BRCA1: variants seen among roughly 807,000 people sequenced by gnomAD.
The protein encoded by BRCA1 is BRCA1 DNA repair associated, also known as breast cancer type 1 susceptibility protein.
In BRCA1, 140 loss-of-function variants were observed where a neutral mutation model predicts 173.7. That is an observed-to-expected ratio of 0.81 (90% CI 0.70 to 0.93). The LOEUF (loss-of-function observed/expected upper bound fraction) is 0.93, where lower values mean the gene tolerates loss of function less well. BRCA1 is among the 40% of genes least tolerant of loss of function. The pLI is 0.00. For synonymous variants in BRCA1, 662 were observed against 756.0 expected, an observed-to-expected ratio of 0.88 and a Z score of 2.04; for missense variants, 1,983 against 2,172.5, an observed-to-expected ratio of 0.91 and a Z score of 1.73.
At chr17:43,067,447 G>A in intron 16 of BRCA1, 161 bp downstream of exon 16, 2 of 581,752 alleles carry the variant, frequency 3.4e-6, no homozygotes, top group South Asian at 1.8e-5. Context: ...GTAGAGACGG[G>A]GTTTCACCAT....
intron 7 of BRCA1, 29 bp from the exon 8 acceptor site, chr17:43,097,318 C>T (rs1164265049): frequency 6.3e-7 from 1 of 1,575,672 alleles, no homozygotes; most frequent in Non-Finnish European, 8.7e-7. Flanking sequence ...AAAAATAAAT[C>T]AATAAAAGTT....
intron 1 of BRCA1, among the ~76,000 whole-genome samples, chr17:43,143,716 G>A (rs932427746): frequency 6.6e-6 from 1 of 152,142 alleles, no homozygotes; most frequent in Non-Finnish European, 1.5e-5. Flanking sequence ...ATGGAACAGT[G>A]CATCTATGGA....
rs28897691 is a variant in BRCA1 at position 43,074,370 on chromosome 17, C to A, written c.4636G>T (p.Asp1546Tyr). The A allele has an allele frequency of 8.7e-6, 14 of 1,613,954 alleles. No homozygotes were observed. The highest frequency in any genetic ancestry group is 1.2e-5 in the Non-Finnish European group (14 of 1,179,998). Residue 1546 changes from aspartate (D) to tyrosine (Y), a missense_variant, in exon 14 of 23, where the codon GAT becomes TAT. Transcript: ENST00000357654. The part of the protein sequence containing the change: ...EQQLEESGPH[D>Y]LTETSYLPRQ... ...GGCAAGTAAGATGTTTCCGTCAAAT[C>A]GTGTGGCCCAGACTCTTCCAGCTGT...
chr17:43,050,812 G>C (rs866165454), intron 20 of BRCA1, among the ~76,000 whole-genome samples: 1 of 152,128 alleles, frequency 6.6e-6, no homozygotes, highest in Non-Finnish European at 1.5e-5. Context: ...AACGCCATCT[G>C]AACACATAAC....
Position 43,092,677 on chromosome 17 carries a change from A to T in BRCA1, c.2854T>A (p.Phe952Ile), listed in dbSNP as rs1295122328. Residue 952 changes from phenylalanine (F) to isoleucine (I), a missense_variant, in exon 10 of 23, where the codon TTT becomes ATT. Transcript: ENST00000357654. ...CCTCTGAACTGAGATGATAGACAAA[A>T]CCTAGAGCCTCCTTTGATACTACAT... Reference protein sequence around the residue: ...AKCSIKGGSRFCLSSQFRGNE... With the variant: ...AKCSIKGGSRICLSSQFRGNE... The T allele has an allele frequency of 6.2e-7, 1 of 1,614,084 alleles. No individual in the cohort carries two copies. Among genetic ancestry groups the T allele is most frequent in the Non-Finnish European group, 8.5e-7 (1 of 1,180,000 alleles).
At chr17:43,118,229 G>A (rs373539054) in intron 2 of BRCA1, among the ~76,000 whole-genome samples, 6 of 152,300 alleles carry the variant, frequency 3.9e-5, no homozygotes, top group African/African-American at 1.4e-4. Flanking sequence ...GACCATGCCT[G>A]TGTATGCAGG....
chr17:43,104,187 GGAT>G lies in BRCA1; in HGVS notation c.373_375del (p.Ile125del), dbSNP rs2054629278. 1.2e-6 allele frequency: 2 copies of G among 1,613,922 alleles called. No homozygotes were observed. The highest frequency in any genetic ancestry group is 2.2e-5 in the East Asian group (1 of 44,872). On this transcript the variant is annotated inframe_deletion, in exon 6 of 23. Coordinates refer to ENST00000357654, the MANE Select transcript of BRCA1 (RefSeq NM_007294.4). Reference sequence around the variant, plus strand: ...GCACGGTTTCTGTAGCCCATACTTTGGATGATAGAAACTTCATCTTTTAGATGT... The same window carrying G: ...GCACGGTTTCTGTAGCCCATACTTTGGATAGAAACTTCATCTTTTAGATGT...
At chr17:43,055,015 G>A (rs958020119) in intron 19 of BRCA1, among the ~76,000 whole-genome samples, 1 of 152,172 alleles carries the variant, frequency 6.6e-6, no homozygotes, top group African/African-American at 2.4e-5. Flanking sequence ...CTCCCAAAGT[G>A]CTGGGATCAC....
At chr17:43,097,154 A>G (rs1567804048) in intron 8 of BRCA1, 90 bp downstream of exon 8, 1 of 1,327,914 alleles carries the variant, frequency 7.5e-7, no homozygotes, top group South Asian at 1.3e-5. Context: ...TAAAAGTTAA[A>G]ATATTTTTAA....
chr17:43,074,229 T>A, intron 14 of BRCA1, 102 bp downstream of exon 14: 1 of 1,207,756 alleles, frequency 8.3e-7, no homozygotes, highest in East Asian at 2.4e-5. Flanking sequence ...AAAGTGTCCA[T>A]GATAGACTAG....
chr17:43,157,221 A>G (rs2056202905), intron 1 of BRCA1, among the ~76,000 whole-genome samples: 1 of 152,236 alleles, frequency 6.6e-6, no homozygotes, highest in Non-Finnish European at 1.5e-5. Context: ...AAGAAACCTA[A>G]AACAGGCTGA....
intron 1 of BRCA1, among the ~76,000 whole-genome samples, chr17:43,133,671 G>GT (rs1465242665): frequency 1.5e-5 from 2 of 133,188 alleles, no homozygotes; most frequent in Non-Finnish European, 3.1e-5. Flanking sequence ...ATCTCACTCT[G>GT]TTACCCAGGC....
intron 7 of BRCA1, among the ~76,000 whole-genome samples, 165 bp from the exon 8 acceptor site, chr17:43,097,454 G>GT (rs937444422): frequency 1.3e-5 from 2 of 152,176 alleles, no homozygotes; most frequent in African/African-American, 4.8e-5. Context: ...CAGAGAAGTG[G>GT]TTAAAGGCAT....
chr17:43,075,448 A>C (rs1278179882), intron 13 of BRCA1, among the ~76,000 whole-genome samples: 1 of 152,246 alleles, frequency 6.6e-6, no homozygotes, highest in Non-Finnish European at 1.5e-5. Flanking sequence ...ACAGATTTAA[A>C]GGGCCTCAGA....
chr17:43,079,388 G>A (rs1162293753), intron 12 of BRCA1: 1 of 1,596,610 alleles, frequency 6.3e-7, no homozygotes, highest in East Asian at 2.2e-5. Flanking sequence ...CTTTGGCCAT[G>A]TATATGCGAA....
chr17:43,139,149 T>C (rs2056053907), intron 1 of BRCA1, among the ~76,000 whole-genome samples: 1 of 151,642 alleles, frequency 6.6e-6, no homozygotes, highest in Non-Finnish European at 1.5e-5. Context: ...TGGAAATTCC[T>C]GAAAGATGGG....
At chr17:43,079,688 C>T (rs1339415028) in intron 12 of BRCA1, 21 of 1,118,022 alleles carry the variant, frequency 1.9e-5, no homozygotes, top group Non-Finnish European at 2.6e-5. Flanking sequence ...ACTGAAGCAC[C>T]AGCCTGCTCC....
intron 13 of BRCA1, 29 bp downstream of exon 13, chr17:43,076,459 C>T (rs2154055859): frequency 1.2e-6 from 2 of 1,610,576 alleles, no homozygotes; most frequent in African/African-American, 1.3e-5. Context: ...TGTCAGATAC[C>T]ACAGCATCTT....
At chr17:43,102,967 G>A (rs563091836) in intron 6 of BRCA1, among the ~76,000 whole-genome samples, 2 of 143,140 alleles carry the variant, frequency 1.4e-5, no homozygotes, top group East Asian at 4.1e-4. Flanking sequence ...TTTTTTAATT[G>A]CAGAGACAGT....
Sources: gnomAD v4.1 joint callset for allele counts (sites outside exome capture counted in the v4.1 genomes callset) on GRCh38, gnomAD v4.1.1 for gene constraint, MANE v1.5 for transcripts, NCBI Gene and HGNC (gene_info 2026-07-23, HGNC 2026-07-21) for gene names.